ADGRE2: variants seen among roughly 807,000 people sequenced by gnomAD.
ADGRE2 encodes CD97 antigen.
ADGRE2 carries 83 observed loss-of-function variants against 100.8 expected under a neutral mutation model. That is an observed-to-expected ratio of 0.82 (90% CI 0.69 to 0.99). ADGRE2 has a LOEUF of 0.99. ADGRE2 is among the 50% of genes least tolerant of loss of function. The pLI is 0.00. For missense variants in ADGRE2, 814 were observed against 1,035.7 expected (o/e 0.79, Z 2.94); for synonymous variants, 355 against 413.0 (o/e 0.86, Z 1.70).
rs1176222633 is a variant in ADGRE2, at chr19:14,733,462, T to A, written c.*2774A>T. On this transcript the variant is annotated 3_prime_UTR_variant, in exon 21 of 21. Coordinates refer to ENST00000315576, the MANE Select transcript of ADGRE2 (RefSeq NM_013447.4). Reference sequence around the variant, plus strand: ...GCCCCAGTAAAACAGTGGGCCTTAATAAGCACATTCCTTTCCCTCCAGGTG... The same window carrying A: ...GCCCCAGTAAAACAGTGGGCCTTAAAAAGCACATTCCTTTCCCTCCAGGTG... 6.6e-6 allele frequency: 1 copy of A among 152,174 alleles called. No individual in the cohort carries two copies. The highest frequency in any genetic ancestry group is 1.5e-5 in the Non-Finnish European group (1 of 68,032). 9.4% of individuals were successfully genotyped at this position (152,174 alleles called of 1,614,324 possible).
chr19:14,777,130 T>C (rs1783918041), intron 1 of ADGRE2: 1 of 982,866 alleles, frequency 1.0e-6, no homozygotes, highest in Non-Finnish European at 1.2e-6. Context: ...GGCTGGCTGC[T>C]GTGCAGGGGA....
intron 5 of ADGRE2, 27 bp downstream of exon 5, chr19:14,772,315 T>A (rs761054715): frequency 1.7e-5 from 28 of 1,613,638 alleles, no homozygotes; most frequent in Middle Eastern, 3.3e-4. Flanking sequence ...TGGACAGTGG[T>A]GATGGAGGAT....
chr19:14,749,728 T>G (rs1184738248), intron 16 of ADGRE2, among the ~76,000 whole-genome samples: 1 of 131,456 alleles, frequency 7.6e-6, no homozygotes, highest in Non-Finnish European at 1.6e-5. Context: ...AGCTATGTTA[T>G]GTAATTATTC....
chr19:14,759,504 T>TATATATATATATATATA (rs1555786067), intron 11 of ADGRE2, among the ~76,000 whole-genome samples: 22 of 70,948 alleles, frequency 3.1e-4, no homozygotes, highest in African/African-American at 9.8e-4. Context: ...TATATATATA[T>TATATATATATATATATA]TTTTTTTTTT....
At chr19:14,769,737 C>T (rs10415768) in intron 5 of ADGRE2, among the ~76,000 whole-genome samples, 4 of 152,002 alleles carry the variant, frequency 2.6e-5, no homozygotes, top group African/African-American at 7.3e-5. Context: ...CTCGCTCTGT[C>T]GTCCAGGCTG....
chr19:14,773,160 C>A (rs1325948388), intron 4 of ADGRE2, among the ~76,000 whole-genome samples: 1 of 150,472 alleles, frequency 6.6e-6, no homozygotes, highest in African/African-American at 2.4e-5. Context: ...AGAATGTACC[C>A]CCTTCCCAGT....
chr19:14,766,157 C>T, intron 7 of ADGRE2, 78 bp downstream of exon 7: 4 of 1,607,108 alleles, frequency 2.5e-6, no homozygotes, highest in Non-Finnish European at 2.6e-6. Flanking sequence ...GCTCATTCTG[C>T]TTGGTTTGTG....
At chr19:14,776,057 C>T (rs970926270) in intron 2 of ADGRE2, among the ~76,000 whole-genome samples, 9 of 152,046 alleles carry the variant, frequency 5.9e-5, no homozygotes, top group Non-Finnish European at 1.3e-4. Flanking sequence ...TGTTGGGGTG[C>T]ATGTGGCGCT....
At chr19:14,764,767 C>A (rs2043889648) in intron 10 of ADGRE2, among the ~76,000 whole-genome samples, 157 bp from the exon 11 acceptor site, 1 of 152,178 alleles carries the variant, frequency 6.6e-6, no homozygotes, top group African/African-American at 2.4e-5. Context: ...GCCTCTAATT[C>A]CAGCACTTTG....
intron 11 of ADGRE2, among the ~76,000 whole-genome samples, chr19:14,760,619 A>C (rs944221152): frequency 2.1e-5 from 3 of 144,816 alleles, no homozygotes; most frequent in African/African-American, 7.7e-5. Context: ...CCATCTAAAC[A>C]AAAAAAAAAA....
intron 12 of ADGRE2, 132 bp from the exon 13 acceptor site, chr19:14,756,009 T>A: frequency 3.8e-6 from 3 of 791,780 alleles, no homozygotes; most frequent in Non-Finnish European, 6.1e-6. Flanking sequence ...TCCCACACTT[T>A]CCTTCAATCT....
intron 11 of ADGRE2, among the ~76,000 whole-genome samples, chr19:14,759,801 C>T (rs1028613347): frequency 2.7e-5 from 4 of 146,304 alleles, no homozygotes; most frequent in East Asian, 4.0e-4. Flanking sequence ...GCCACCTCTC[C>T]GCTTATTAAG....
intron 1 of ADGRE2, among the ~76,000 whole-genome samples, chr19:14,777,394 G>C (rs184772515): frequency 1.3e-5 from 2 of 152,306 alleles, no homozygotes; most frequent in African/African-American, 2.4e-5. Context: ...CTCTGGGAGG[G>C]CGAGGCAGGA....
chr19:14,746,799 C>T lies in ADGRE2; in HGVS notation c.2091+97G>A, dbSNP rs1226557617. 3.3e-6 allele frequency: 4 copies of T among 1,210,334 alleles called. No homozygotes were observed. The Admixed American group carries it at 8.1e-5, about 25-fold the overall frequency. The allele number at this position is 1,210,334 out of a possible 1,614,324, so 75.0% of individuals were successfully genotyped here. On this transcript the variant is annotated intron_variant, in intron 17 of 20. Transcript: ENST00000315576. Reference sequence around the variant, plus strand: ...GGAAACCTAACCCAACCCATGACAACCCAGGGGACATTCCTGCTCTTGTCA... The same window carrying T: ...GGAAACCTAACCCAACCCATGACAATCCAGGGGACATTCCTGCTCTTGTCA...
chr19:14,743,297 G>A (rs914038712), intron 20 of ADGRE2, 123 bp downstream of exon 20: 25 of 763,330 alleles, frequency 3.3e-5, no homozygotes, highest in South Asian at 1.1e-4. Flanking sequence ...GAGTCAAGGC[G>A]TACTCAGATG....
Position 14,749,881 on chromosome 19 carries a change from T to C in ADGRE2, c.2024+1555A>G, listed in dbSNP as rs2043228799. Reference sequence around the variant, plus strand: ...TCATAGTTACATAATTATTTATAGCTATGTTATGTAATTATTCATAGTTAC... The same window carrying C: ...TCATAGTTACATAATTATTTATAGCCATGTTATGTAATTATTCATAGTTAC... On this transcript the variant is annotated intron_variant, in intron 16 of 20. Coordinates refer to ENST00000315576, the MANE Select transcript of ADGRE2 (RefSeq NM_013447.4). Among the ~76,000 whole-genome samples the C allele has an allele frequency of 4.4e-5, 2 of 45,342 alleles. 1 individual carries two copies. Among genetic ancestry groups the C allele is most frequent in the Admixed American group, 3.8e-4 (2 of 5,234 alleles). 29.7% of individuals were successfully genotyped at this position (45,342 alleles called of 152,430 possible). A position where few individuals can be genotyped will look rare whatever the true frequency, so the allele number is the denominator to read the frequency against.
chr19:14,756,010 C>T (rs2043490470), intron 12 of ADGRE2, 133 bp from the exon 13 acceptor site: 1 of 793,184 alleles, frequency 1.3e-6, no homozygotes, highest in South Asian at 1.8e-5. Flanking sequence ...CCCACACTTT[C>T]CTTCAATCTT....
chr19:14,756,935 A>G (rs1373559796), intron 11 of ADGRE2, among the ~76,000 whole-genome samples: 2 of 151,780 alleles, frequency 1.3e-5, no homozygotes, highest in Non-Finnish European at 2.9e-5. Flanking sequence ...TTTGAGACAA[A>G]TTCTCACCTG....
the ADGRE2 span, among the ~76,000 whole-genome samples, chr19:14,725,580 A>G: frequency 6.6e-6 from 1 of 152,236 alleles, no homozygotes; most frequent in Non-Finnish European, 1.5e-5. Flanking sequence ...AGATGGTGGT[A>G]TGGGCACTGG....
Sources: allele counts gnomAD v4.1 joint callset (sites outside exome capture counted in the v4.1 genomes callset), GRCh38; gene constraint gnomAD v4.1.1; transcripts MANE v1.5; gene names NCBI Gene and HGNC (gene_info 2026-07-23, HGNC 2026-07-21).